AKAP19: variants seen among roughly 807,000 people sequenced by gnomAD.
AKAP19 encodes small A-kinase anchoring protein.
the AKAP19 span, among the ~76,000 whole-genome samples, chr2:189,941,674 C>T: frequency 1.3e-5 from 2 of 152,088 alleles, no homozygotes; most frequent in South Asian, 4.2e-4. Context: ...GTAATAGATT[C>T]CCTAAAAATA....
chr2:190,132,872 G>T, the AKAP19 span, among the ~76,000 whole-genome samples: 3,010 of 152,210 alleles, frequency 0.02, 99 homozygotes, highest in African/African-American at 0.068. Context: ...GAAGATATTT[G>T]CAAACCATGC....
the AKAP19 span, among the ~76,000 whole-genome samples, chr2:190,140,365 T>C: frequency 6.6e-6 from 1 of 152,146 alleles, no homozygotes; most frequent in Admixed American, 6.5e-5. Context: ...GGGATCTCAG[T>C]GTGGGGGCTC....
At chr2:190,063,100 C>A in the AKAP19 span, among the ~76,000 whole-genome samples, 2 of 151,824 alleles carry the variant, frequency 1.3e-5, no homozygotes, top group Non-Finnish European at 2.9e-5. Flanking sequence ...TCCTCAAAAA[C>A]TAAAATGATT....
the AKAP19 span, among the ~76,000 whole-genome samples, chr2:190,012,846 T>C: frequency 3.9e-4 from 60 of 152,340 alleles, no homozygotes; most frequent in African/African-American, 1.4e-3. Flanking sequence ...TAAATGCTTT[T>C]TCTGCATCTA....
the AKAP19 span, among the ~76,000 whole-genome samples, chr2:190,055,088 A>G: frequency 6.6e-6 from 1 of 152,258 alleles, no homozygotes; most frequent in African/African-American, 2.4e-5. Flanking sequence ...CAAATGTCCA[A>G]CAATGATAGA....
chr2:190,054,650 A>G, the AKAP19 span, among the ~76,000 whole-genome samples: 1 of 152,214 alleles, frequency 6.6e-6, no homozygotes, highest in East Asian at 1.9e-4. Context: ...AATAAAACCC[A>G]TCAAAAAGTG....
the AKAP19 span, among the ~76,000 whole-genome samples, chr2:190,127,297 A>T: frequency 1.3e-5 from 2 of 152,044 alleles, no homozygotes; most frequent in South Asian, 4.2e-4. Context: ...ATATCGGTGA[A>T]TGGTGTCCTG....
the AKAP19 span, among the ~76,000 whole-genome samples, chr2:189,886,708 TG>T: frequency 6.6e-6 from 1 of 152,212 alleles, no homozygotes; most frequent in Admixed American, 6.5e-5. Flanking sequence ...TTTTCTTTTT[TG>T]TTTCTTAATT....
the AKAP19 span, among the ~76,000 whole-genome samples, chr2:190,046,303 C>T: frequency 1.3e-5 from 2 of 151,922 alleles, no homozygotes; most frequent in East Asian, 1.9e-4. Flanking sequence ...CTATAAAATA[C>T]GTATAATAAT....
the AKAP19 span, among the ~76,000 whole-genome samples, chr2:189,898,146 G>GAA: frequency 2.7e-5 from 4 of 150,936 alleles, no homozygotes; most frequent in South Asian, 2.1e-4. Context: ...AGGCTGCAGA[G>GAA]AACTGTGATC....
At chr2:189,976,986 G>A in the AKAP19 span, among the ~76,000 whole-genome samples, 1 of 152,034 alleles carries the variant, frequency 6.6e-6, no homozygotes, top group Non-Finnish European at 1.5e-5. Flanking sequence ...CCACTGTCCT[G>A]CACCCACTGT....
chr2:190,007,633 A>T, the AKAP19 span, among the ~76,000 whole-genome samples: 1 of 152,178 alleles, frequency 6.6e-6, no homozygotes, highest in Admixed American at 6.5e-5. Context: ...AGGAAAGTAC[A>T]CTAAGAGCAA....
chr2:190,005,653 G>A, the AKAP19 span, among the ~76,000 whole-genome samples: 5 of 152,326 alleles, frequency 3.3e-5, no homozygotes, highest in South Asian at 1.0e-3. Flanking sequence ...CCAGTGGCAT[G>A]TTTCCTATTG....
the AKAP19 span, among the ~76,000 whole-genome samples, chr2:189,880,196 A>G: frequency 6.6e-6 from 1 of 151,956 alleles, no homozygotes. Context: ...CCAAATTCTT[A>G]CCTGTTTTAT....
At chr2:190,154,153 C>CA in the AKAP19 span, among the ~76,000 whole-genome samples, 1 of 152,244 alleles carries the variant, frequency 6.6e-6, no homozygotes, top group South Asian at 2.1e-4. Flanking sequence ...CTACTAATTT[C>CA]TATGGTAATT....
the AKAP19 span, among the ~76,000 whole-genome samples, chr2:190,110,677 A>T: frequency 1.3e-5 from 2 of 152,230 alleles, no homozygotes; most frequent in Admixed American, 1.3e-4. Context: ...CAATAACATC[A>T]CTATTTATTA....
the AKAP19 span, among the ~76,000 whole-genome samples, chr2:189,980,986 T>G: frequency 6.6e-6 from 1 of 152,144 alleles, no homozygotes; most frequent in Non-Finnish European, 1.5e-5. Context: ...ATGAGAAAAA[T>G]GTATACGCTG....
the AKAP19 span, among the ~76,000 whole-genome samples, chr2:189,988,351 G>A: frequency 6.6e-6 from 1 of 152,216 alleles, no homozygotes; most frequent in Non-Finnish European, 1.5e-5. Context: ...CCTCCAGAAT[G>A]ATGATTGTTA....
chr2:189,971,789 G>A, the AKAP19 span, among the ~76,000 whole-genome samples: 4 of 151,846 alleles, frequency 2.6e-5, no homozygotes, highest in Non-Finnish European at 5.9e-5. Context: ...CTTTTGAGAA[G>A]TGTCTGTTCA....
Sources: allele counts gnomAD v4.1 joint callset (sites outside exome capture counted in the v4.1 genomes callset), GRCh38; gene constraint gnomAD v4.1.1; transcripts MANE v1.5; gene names NCBI Gene and HGNC (gene_info 2026-07-23, HGNC 2026-07-21).